WWOX: variants seen among roughly 807,000 people sequenced by gnomAD.
The protein encoded by WWOX is WW domain containing oxidoreductase, also known as WW domain-containing oxidoreductase.
In WWOX, 69 loss-of-function variants were observed where a neutral mutation model predicts 46.2. That is an observed-to-expected ratio of 1.49 (90% CI 1.23 to 1.82). WWOX has a LOEUF of 1.82. Ranked by LOEUF, WWOX falls within the 40% of genes most tolerant of loss-of-function variation. The probability of loss-of-function intolerance (pLI) is 0.00; values close to 1 mark genes in which losing one functional copy is unlikely to be tolerated. For missense variants in WWOX, 919 were observed against 542.6 expected, an observed-to-expected ratio of 1.69 and a Z score of -6.89; for synonymous variants, 359 against 202.6, an observed-to-expected ratio of 1.77 and a Z score of -6.56.
chr16:78,553,329 G>A (rs927888277), intron 8 of WWOX: 1 of 152,174 alleles, frequency 6.6e-6, no homozygotes, highest in African/African-American at 2.4e-5. Flanking sequence ...GGAAAGAAGG[G>A]GCCAGGCAGG....
At chr16:78,541,006 A>G (rs1205031151) in intron 8 of WWOX, among the ~76,000 whole-genome samples, 3 of 152,072 alleles carry the variant, frequency 2.0e-5, no homozygotes, top group African/African-American at 7.2e-5. Context: ...TAATAAGGTC[A>G]TTGTCAGCTG....
chr16:78,899,597 A>G (rs966265003), intron 8 of WWOX: 1 of 152,192 alleles, frequency 6.6e-6, no homozygotes, highest in Admixed American at 6.5e-5. Flanking sequence ...CAACGGGAAC[A>G]TTGGCCACAT....
chr16:78,759,560 T>A (rs1034576079), intron 8 of WWOX, among the ~76,000 whole-genome samples: 1 of 152,120 alleles, frequency 6.6e-6, no homozygotes, highest in African/African-American at 2.4e-5. Flanking sequence ...AGGTACTCAT[T>A]GAATCCTTTA....
intron 6 of WWOX, among the ~76,000 whole-genome samples, chr16:78,400,583 C>T (rs1366244762): frequency 6.6e-6 from 1 of 152,102 alleles, no homozygotes; most frequent in African/African-American, 2.4e-5. Context: ...CAACTTGGCC[C>T]ATGAATCCAG....
chr16:78,812,773 A>T (rs1306796418), intron 8 of WWOX, among the ~76,000 whole-genome samples: 1 of 152,108 alleles, frequency 6.6e-6, no homozygotes, highest in Non-Finnish European at 1.5e-5. Flanking sequence ...ACTAATGCAG[A>T]ATCAGCACTA....
At chr16:78,637,750 C>T (rs189384298) in intron 8 of WWOX, among the ~76,000 whole-genome samples, 169 of 152,308 alleles carry the variant, frequency 1.1e-3, no homozygotes, top group African/African-American at 3.9e-3. Context: ...CCTTTGGTGG[C>T]AGCTAAGAGT....
chr16:78,890,532 G>C (rs2044567417), intron 8 of WWOX: 1 of 152,240 alleles, frequency 6.6e-6, no homozygotes, highest in African/African-American at 2.4e-5. Context: ...AAATGGTGCT[G>C]ATGTCTTCAC....
chr16:78,795,407 G>C (rs893484762), intron 8 of WWOX, among the ~76,000 whole-genome samples: 1 of 152,106 alleles, frequency 6.6e-6, no homozygotes, highest in Non-Finnish European at 1.5e-5. Flanking sequence ...GGATGGAAAG[G>C]AGATCCTTGA....
At chr16:79,182,383 C>T (rs751345922) in intron 8 of WWOX, among the ~76,000 whole-genome samples, 4 of 151,954 alleles carry the variant, frequency 2.6e-5, no homozygotes, top group Non-Finnish European at 4.4e-5. Flanking sequence ...CCCTTGGTCT[C>T]GATATTCACA....
At chr16:79,138,829 G>T (rs981197286) in intron 8 of WWOX, among the ~76,000 whole-genome samples, 4 of 152,208 alleles carry the variant, frequency 2.6e-5, no homozygotes, top group Admixed American at 1.3e-4. Context: ...CTCACCAGAT[G>T]TGGCAGGGTG....
intron 5 of WWOX, among the ~76,000 whole-genome samples, chr16:78,235,793 G>T (rs559284826): frequency 1.5e-4 from 23 of 152,296 alleles, no homozygotes; most frequent in African/African-American, 5.5e-4. Context: ...GGGGAAGGAA[G>T]TCACAGAGCC....
At chr16:78,377,265 A>G (rs989349160) in intron 5 of WWOX, among the ~76,000 whole-genome samples, 10 of 152,244 alleles carry the variant, frequency 6.6e-5, no homozygotes, top group Non-Finnish European at 1.2e-4. Context: ...GGGCATGTTT[A>G]TTAAGAGTCT....
intron 5 of WWOX, among the ~76,000 whole-genome samples, chr16:78,358,206 C>A (rs55765039): frequency 1.3e-5 from 2 of 151,912 alleles, no homozygotes; most frequent in Non-Finnish European, 2.9e-5. Context: ...AAGATAACCT[C>A]TTGTATTTAC....
chr16:79,057,492 A>G (rs555008863), intron 8 of WWOX, among the ~76,000 whole-genome samples: 1 of 152,078 alleles, frequency 6.6e-6, no homozygotes, highest in African/African-American at 2.4e-5. Context: ...GACCATTATT[A>G]TTTCTGTTAT....
chr16:78,848,177 G>A (rs1384366145), intron 8 of WWOX, among the ~76,000 whole-genome samples: 2 of 152,198 alleles, frequency 1.3e-5, no homozygotes, highest in Non-Finnish European at 2.9e-5. Context: ...TTTTGCAGGG[G>A]TTTAATATCC....
intron 8 of WWOX, among the ~76,000 whole-genome samples, chr16:78,969,265 CTCTCT>C (rs1304015907): frequency 4.4e-5 from 6 of 135,906 alleles, no homozygotes; most frequent in African/African-American, 1.6e-4. Context: ...CTCTCTCTCT[CTCTCT>C]TTTTTTTTTT....
At chr16:79,133,104 C>A (rs910125991) in intron 8 of WWOX, among the ~76,000 whole-genome samples, 1 of 152,180 alleles carries the variant, frequency 6.6e-6, no homozygotes, top group Non-Finnish European at 1.5e-5. Flanking sequence ...CTAGTTTCTT[C>A]GTCTTACATA....
intron 8 of WWOX, among the ~76,000 whole-genome samples, chr16:78,703,847 C>G (rs1215814327): frequency 6.6e-6 from 1 of 152,064 alleles, no homozygotes; most frequent in Non-Finnish European, 1.5e-5. Context: ...CTGGGTATGA[C>G]AGAACATTTT....
intron 8 of WWOX, among the ~76,000 whole-genome samples, chr16:78,944,036 C>G (rs182011532): frequency 1.3e-5 from 2 of 152,140 alleles, no homozygotes; most frequent in South Asian, 2.1e-4. Flanking sequence ...AACAAATAAA[C>G]AAAAACACAA....
Sources: allele counts gnomAD v4.1 joint callset (sites outside exome capture counted in the v4.1 genomes callset), GRCh38; gene constraint gnomAD v4.1.1; transcripts MANE v1.5; gene names NCBI Gene and HGNC (gene_info 2026-07-23, HGNC 2026-07-21).